Variants in PARN observed in about 807,000 individuals in gnomAD.
The protein encoded by PARN is poly(A)-specific ribonuclease PARN.
Under a neutral mutation model 102.8 loss-of-function variants are expected in PARN, and 71 were observed. That is an observed-to-expected ratio of 0.69 (90% CI 0.57 to 0.84). The LOEUF (loss-of-function observed/expected upper bound fraction) is 0.84. PARN is among the 40% of genes least tolerant of loss of function. The probability of loss-of-function intolerance (pLI) is 0.00; values close to 1 mark genes in which losing one functional copy is unlikely to be tolerated. For missense variants in PARN, 782 were observed against 760.9 expected (o/e 1.03, Z -0.33); for synonymous variants, 261 against 252.9 (o/e 1.03, Z -0.30).
intron 21 of PARN, among the ~76,000 whole-genome samples, chr16:14,532,545 A>T (rs1424066920): frequency 1.3e-5 from 2 of 152,168 alleles, no homozygotes; most frequent in African/African-American, 2.4e-5. Flanking sequence ...GAGCAAAACG[A>T]AAAGTCTCCC....
At chr16:14,607,829 A>G (rs1198708475) in intron 9 of PARN, among the ~76,000 whole-genome samples, 1 of 152,192 alleles carries the variant, frequency 6.6e-6, no homozygotes, top group African/African-American at 2.4e-5. Context: ...CCACCTGCAA[A>G]CACAAGGAAA....
chr16:14,447,991 C>G (rs560823179), intron 22 of PARN, among the ~76,000 whole-genome samples: 1 of 148,954 alleles, frequency 6.7e-6, no homozygotes, highest in South Asian at 2.1e-4. Flanking sequence ...TCTATCTAAT[C>G]TAATTATTTT....
intron 11 of PARN, 62 bp downstream of exon 11, chr16:14,604,083 AG>A (rs1159710376): frequency 1.1e-6 from 1 of 933,610 alleles, no homozygotes; most frequent in Non-Finnish European, 1.7e-6. Context: ...TGAAATAGAC[AG>A]GAATAAATCA....
intron 6 of PARN, among the ~76,000 whole-genome samples, chr16:14,616,643 G>A (rs1971921453): frequency 6.6e-6 from 1 of 152,062 alleles, no homozygotes; most frequent in Admixed American, 6.6e-5. Flanking sequence ...ACTTGGGAGG[G>A]TGAGGTGGGA....
chr16:14,597,973 G>A (rs1273564809), intron 12 of PARN, among the ~76,000 whole-genome samples: 2 of 151,818 alleles, frequency 1.3e-5, no homozygotes, highest in African/African-American at 2.4e-5. Flanking sequence ...GTGAAAGCCC[G>A]TCTCAACTAA....
At chr16:14,461,054 G>A (rs1174025630) in intron 22 of PARN, among the ~76,000 whole-genome samples, 1 of 152,162 alleles carries the variant, frequency 6.6e-6, no homozygotes, top group South Asian at 2.1e-4. Context: ...TTCATCACGG[G>A]TCTTCCATCC....
At chr16:14,464,273 A>G (rs1164244857) in intron 22 of PARN, among the ~76,000 whole-genome samples, 1 of 152,248 alleles carries the variant, frequency 6.6e-6, no homozygotes, top group Admixed American at 6.5e-5. Context: ...AACTCATGAT[A>G]AAGAAGAACT....
intron 22 of PARN, among the ~76,000 whole-genome samples, chr16:14,476,454 T>C (rs1963055610): frequency 6.6e-6 from 1 of 152,196 alleles, no homozygotes; most frequent in South Asian, 2.1e-4. Flanking sequence ...AGTAAACATT[T>C]TGAGTTCTGG....
intron 11 of PARN, among the ~76,000 whole-genome samples, chr16:14,602,426 T>C (rs936269008): frequency 1.3e-5 from 2 of 151,976 alleles, no homozygotes; most frequent in Non-Finnish European, 2.9e-5. Context: ...CTCACCCCTC[T>C]CCTGTGCTCA....
chr16:14,561,695 G>A (rs1172368009), intron 18 of PARN, among the ~76,000 whole-genome samples: 3 of 152,182 alleles, frequency 2.0e-5, no homozygotes, highest in African/African-American at 7.2e-5. Context: ...TGTAGTCCCA[G>A]CTACTCAGGA....
chr16:14,479,876 G>T (rs1275461166), intron 22 of PARN, among the ~76,000 whole-genome samples: 2 of 151,302 alleles, frequency 1.3e-5, no homozygotes, highest in Admixed American at 1.3e-4. Flanking sequence ...AATTTGAAAT[G>T]GGTCATGACC....
intron 21 of PARN, among the ~76,000 whole-genome samples, chr16:14,509,860 T>C (rs994513739): frequency 9.2e-5 from 14 of 152,236 alleles, no homozygotes; most frequent in Admixed American, 7.9e-4. Context: ...TGGGTAAGTG[T>C]CCTTGTTATT....
intron 22 of PARN, among the ~76,000 whole-genome samples, chr16:14,462,545 C>G (rs1161372074): frequency 6.6e-6 from 1 of 152,028 alleles, no homozygotes; most frequent in South Asian, 2.1e-4. Context: ...AGGGAGTACC[C>G]AGCATAACAC....
chr16:14,452,588 C>T lies in PARN; in HGVS notation c.1671-5507G>A, dbSNP rs557717420. Among the ~76,000 whole-genome samples the T allele has an allele frequency of 5.3e-3, 806 of 152,286 alleles. 9 individuals carry two copies. The highest frequency in any genetic ancestry group is 4.7e-3 in the Non-Finnish European group (319 of 68,030). ...CTGACCTCAGGAGATCTGCCTGCCT[C>T]GGCCTCCCAAAGTGCTGGGATTACA... On this transcript the variant is annotated intron_variant, in intron 22 of 23. Transcript: ENST00000437198.
chr16:14,559,813 G>A (rs1446174909), intron 18 of PARN, among the ~76,000 whole-genome samples: 1 of 152,074 alleles, frequency 6.6e-6, no homozygotes, highest in Admixed American at 6.6e-5. Context: ...GGGTTTAGAG[G>A]GAACTGAATA....
At chr16:14,563,228 G>A (rs1968186313) in intron 18 of PARN, among the ~76,000 whole-genome samples, 1 of 152,188 alleles carries the variant, frequency 6.6e-6, no homozygotes, top group African/African-American at 2.4e-5. Context: ...GAGGCAGCAG[G>A]CTTTCCAGTC....
In PARN at chr16:14,584,362, T is replaced by C. The variant is rs752280210; in HGVS notation, c.1066A>G (p.Asn356Asp). ...ATATTCTTACCAACTTTAGGAGGGT[T>C]GAAAGGTGTCTCTTTTAACCGCTTT... is the stretch of plus-strand genomic sequence containing the variant. ...LEKRLKETPF[N>D]PPKVESAEGF... The change falls in exon 16 of 24, where the codon AAC becomes GAC. Residue 356 changes from asparagine to aspartate, a missense_variant. Physicochemically the swap from Asn to Asp is conservative, Grantham distance 23. Transcript: ENST00000437198. 1 of 1,611,626 alleles carries C rather than the reference T, an allele frequency of 6.2e-7. No individual in the cohort carries two copies. The highest frequency in any genetic ancestry group is 8.5e-7 in the Non-Finnish European group (1 of 1,177,850).
intron 18 of PARN, among the ~76,000 whole-genome samples, chr16:14,576,838 A>G (rs1441121691): frequency 6.6e-6 from 1 of 152,246 alleles, no homozygotes; most frequent in South Asian, 2.1e-4. Flanking sequence ...AAATGGCACC[A>G]TGCAAAACCC....
chr16:14,468,992 ATAAAAAAACGACC>A (rs1356078393), intron 22 of PARN, among the ~76,000 whole-genome samples: 1 of 152,124 alleles, frequency 6.6e-6, no homozygotes, highest in Non-Finnish European at 1.5e-5. Context: ...AAAAACACAC[ATAAAAAAACGACC>A]TAAAAAAACG....
Sources: gnomAD v4.1 joint callset for allele counts (sites outside exome capture counted in the v4.1 genomes callset) on GRCh38, gnomAD v4.1.1 for gene constraint, MANE v1.5 for transcripts, NCBI Gene and HGNC (gene_info 2026-07-23, HGNC 2026-07-21) for gene names.